Variants in TLE1 observed in about 807,000 individuals in gnomAD.
TLE1 encodes transducin-like enhancer protein 1.
TLE1 carries 21 observed loss-of-function variants against 89.8 expected under a neutral mutation model. That is an observed-to-expected ratio of 0.23 (90% CI 0.17 to 0.34). The LOEUF is 0.34. Ranked by LOEUF, TLE1 falls within the 10% of genes least tolerant of loss-of-function variation. The pLI is 1.00. For missense variants in TLE1, 795 were observed against 1,031.2 expected (o/e 0.77, Z 3.14); for synonymous variants, 447 against 407.6 (o/e 1.10, Z -1.16).
At chr9:81,602,194 G>A (rs1831021219) in intron 14 of TLE1, among the ~76,000 whole-genome samples, 1 of 152,168 alleles carries the variant, frequency 6.6e-6, no homozygotes, top group African/African-American at 2.4e-5. Context: ...GGAGTCATCA[G>A]GGAACAGAGG....
chr9:81,684,651 G>A (rs1180705022), intron 4 of TLE1, among the ~76,000 whole-genome samples: 2 of 152,282 alleles, frequency 1.3e-5, no homozygotes, highest in African/African-American at 4.8e-5. Flanking sequence ...TGAAACAAGG[G>A]TTTGAGATGA....
chr9:81,609,674 G>C (rs1823450456), intron 14 of TLE1, among the ~76,000 whole-genome samples: 1 of 152,022 alleles, frequency 6.6e-6, no homozygotes. Flanking sequence ...AGATCTCTTG[G>C]AGCACTCATC....
intron 4 of TLE1, among the ~76,000 whole-genome samples, chr9:81,660,804 A>G (rs1328611632): frequency 6.6e-6 from 1 of 150,954 alleles, no homozygotes; most frequent in Non-Finnish European, 1.5e-5. Context: ...CGACTTTTAA[A>G]TTCAAGATAT....
intron 8 of TLE1, among the ~76,000 whole-genome samples, chr9:81,632,743 A>G (rs1826836185): frequency 6.6e-6 from 1 of 151,366 alleles, no homozygotes; most frequent in Admixed American, 6.6e-5. Flanking sequence ...TGTCCACTGA[A>G]TTTCCTTCTT....
intron 5 of TLE1, among the ~76,000 whole-genome samples, chr9:81,652,844 G>T (rs1231909891): frequency 6.6e-6 from 1 of 152,010 alleles, no homozygotes; most frequent in Non-Finnish European, 1.5e-5. Flanking sequence ...CCGTTGATTG[G>T]TTGATCACTT....
At chr9:81,685,923 T>A in intron 2 of TLE1, 27 bp from the exon 3 acceptor site, 3 of 1,611,296 alleles carry the variant, frequency 1.9e-6, no homozygotes, top group Non-Finnish European at 2.5e-6. Context: ...GGCAACTTAA[T>A]GTAAACATTA....
In TLE1 at chr9:81,615,081, CAAAAAAAAAAAAAAAAAAAAAAAAAAA is replaced by C. The variant is rs34947337; in HGVS notation, c.918+874_918+900del. On this transcript the variant is annotated intron_variant, in intron 11 of 19. Coordinates refer to ENST00000376499, the MANE Select transcript of TLE1 (RefSeq NM_005077.5). ...TGGGTGACAGAGTGAGACTCCATCT[CAAAAAAAAAAAAAAAAAAAAAAAAAAA>C]AAAAAAAAAAAAAGAAGAAGAAGAA... Among the ~76,000 whole-genome samples, 119 of 25,106 alleles carry C rather than the reference CAAAAAAAAAAAAAAAAAAAAAAAAAAA, an allele frequency of 4.7e-3. 4 individuals are homozygous for C. The highest frequency in any genetic ancestry group is 5.1e-3 in the Non-Finnish European group (76 of 14,866). 16.5% of individuals were successfully genotyped at this position (25,106 alleles called of 152,430 possible). A position where few individuals can be genotyped will look rare whatever the true frequency, so the allele number is the denominator to read the frequency against.
intron 4 of TLE1, among the ~76,000 whole-genome samples, chr9:81,661,174 A>G (rs4877671): frequency 1.6e-5 from 2 of 128,440 alleles, no homozygotes; most frequent in African/African-American, 5.7e-5. Flanking sequence ...ATATATATTT[A>G]TATATATGTA....
At chr9:81,647,878 G>A (rs1311971395) in intron 6 of TLE1, among the ~76,000 whole-genome samples, 4 of 152,092 alleles carry the variant, frequency 2.6e-5, no homozygotes, top group African/African-American at 9.7e-5. Context: ...TGGACCAACA[G>A]GTGGTTAGAA....
chr9:81,612,589 C>G (rs1823857712), intron 12 of TLE1, among the ~76,000 whole-genome samples: 1 of 152,140 alleles, frequency 6.6e-6, no homozygotes, highest in South Asian at 2.1e-4. Flanking sequence ...CCTGAAGCCT[C>G]CCCTAGCAGA....
chr9:81,595,599 A>C (rs541974682), intron 14 of TLE1, among the ~76,000 whole-genome samples: 1 of 152,164 alleles, frequency 6.6e-6, no homozygotes, highest in South Asian at 2.1e-4. Context: ...CGGGCGGATC[A>C]CGAGATCAGG....
At chr9:81,653,240 G>A (rs1271901846) in intron 5 of TLE1, among the ~76,000 whole-genome samples, 1 of 152,182 alleles carries the variant, frequency 6.6e-6, no homozygotes, top group African/African-American at 2.4e-5. Context: ...AGGATACCCA[G>A]TATTCCAACT....
In TLE1 at chr9:81,613,436, G is replaced by T; in HGVS notation, c.1004C>A (p.Pro335Gln). ...DMPTPGTSAT[P>Q]GLRPGLGKPP... ...CTTGCCGAGACCTGGACGGAGGCCT[G>T]GAGTGGCGCTGGTGCCCGGCGTTGG... The change falls in exon 12 of 20, where the codon CCA becomes CAA. Residue 335 changes from proline (P) to glutamine (Q), a missense_variant. Pro to Gln is a moderately conservative substitution (Grantham distance 76, BLOSUM62 -1). Around this residue, in one of 4 missense-constraint regions of TLE1, gnomAD observed 468 missense variants for 509.1 expected, o/e 0.92. Coordinates refer to ENST00000376499, the MANE Select transcript of TLE1 (RefSeq NM_005077.5). 6.2e-7 allele frequency: 1 copy of T among 1,614,198 alleles called. No individual in the cohort carries two copies.
At chr9:81,670,736 A>AAG (rs1392795020) in intron 4 of TLE1, among the ~76,000 whole-genome samples, 2 of 151,808 alleles carry the variant, frequency 1.3e-5, no homozygotes, top group Admixed American at 6.6e-5. Flanking sequence ...TTAAAAAAAA[A>AAG]AAATCACAGC....
At chr9:81,647,220 T>G (rs535874220) in intron 6 of TLE1, among the ~76,000 whole-genome samples, 2 of 152,318 alleles carry the variant, frequency 1.3e-5, no homozygotes, top group Non-Finnish European at 2.9e-5. Flanking sequence ...CATCTGACGA[T>G]GTCTTCTAAC....
chr9:81,596,390 C>T (rs1328369655), intron 14 of TLE1, among the ~76,000 whole-genome samples: 5 of 152,058 alleles, frequency 3.3e-5, no homozygotes, highest in South Asian at 2.1e-4. Context: ...CAAATGAACA[C>T]GCCAGAGCAA....
intron 15 of TLE1, among the ~76,000 whole-genome samples, chr9:81,592,186 G>A (rs12339574): frequency 0.076 from 11,614 of 152,176 alleles, 1,185 homozygotes; most frequent in African/African-American, 0.23. Context: ...GTGAAACCCC[G>A]TCTCTACTAA....
intron 14 of TLE1, among the ~76,000 whole-genome samples, chr9:81,604,139 A>G (rs905710452): frequency 6.6e-6 from 1 of 152,174 alleles, no homozygotes; most frequent in African/African-American, 2.4e-5. Context: ...TCTCCTGTTA[A>G]TCTATCTTAT....
chr9:81,655,865 AAAAAG>A (rs869242422), intron 4 of TLE1, among the ~76,000 whole-genome samples: 22 of 144,300 alleles, frequency 1.5e-4, no homozygotes, highest in African/African-American at 6.0e-4. Flanking sequence ...AAAAAAAAAA[AAAAAG>A]AAAAGAAAAG....
Sources: gnomAD v4.1 joint callset for allele counts (sites outside exome capture counted in the v4.1 genomes callset) on GRCh38, gnomAD v4.1.1 for gene constraint, gnomAD v4.1.1 regional missense constraint, MANE v1.5 for transcripts, NCBI Gene and HGNC (gene_info 2026-07-23, HGNC 2026-07-21) for gene names.